Variants in MYBPHL observed in about 807,000 individuals in gnomAD.
The protein encoded by MYBPHL is myosin-binding protein H-like.
In MYBPHL, 32 loss-of-function variants were observed where a neutral mutation model predicts 39.5. That is an observed-to-expected ratio of 0.81 (90% CI 0.61 to 1.09). The LOEUF is 1.09. Ranked by LOEUF, MYBPHL falls within the 50% of genes least tolerant of loss-of-function variation. MYBPHL has a pLI of 0.00. For missense variants in MYBPHL, 456 were observed against 460.2 expected (o/e 0.99, Z 0.08); for synonymous variants, 196 against 183.7 (o/e 1.07, Z -0.54).
At chr1:109,306,764 G>A in intron 1 of MYBPHL, 83 bp downstream of exon 1, 3 of 1,263,794 alleles carry the variant, frequency 2.4e-6, no homozygotes, top group Non-Finnish European at 3.2e-6. Flanking sequence ...CAGAAAACCT[G>A]AGGCGCCGTT....
intron 1 of MYBPHL, among the ~76,000 whole-genome samples, chr1:109,299,261 C>T (rs1221950532): frequency 6.6e-6 from 1 of 152,224 alleles, no homozygotes; most frequent in Non-Finnish European, 1.5e-5. Context: ...ACCCAGGATT[C>T]TTGCCACAGT....
intron 8 of MYBPHL, among the ~76,000 whole-genome samples, chr1:109,293,922 G>T (rs561188440): frequency 8.8e-4 from 133 of 152,000 alleles, no homozygotes; most frequent in Non-Finnish European, 1.3e-3. Flanking sequence ...AAATTAGCCG[G>T]GCATGGTGGC....
At chr1:109,294,084 A>G in intron 8 of MYBPHL, 122 bp downstream of exon 8, 1 of 683,578 alleles carries the variant, frequency 1.5e-6, no homozygotes, top group Non-Finnish European at 2.6e-6. Flanking sequence ...TGGTTACAAC[A>G]AAAGTGGCCA....
Position 109,296,271 on chromosome 1 carries a change from T to TA in MYBPHL, c.829_830insT (p.Asn277IlefsTer30). The TA allele has an allele frequency of 1.2e-6, 2 of 1,613,902 alleles. No individual in the cohort carries two copies. The highest frequency in any genetic ancestry group is 1.7e-6 in the Non-Finnish European group (2 of 1,179,960). ...GCGGACACAGCAGAAGAGCTGGGTA[T>TA]TATAGCCGGTGACTGTAGTGCAGTC... On this transcript the variant is annotated frameshift_variant, in exon 6 of 9. Coordinates refer to ENST00000357155, the MANE Select transcript of MYBPHL (RefSeq NM_001010985.3). LOFTEE classifies it high-confidence loss of function.
chr1:109,294,749 C>A (rs1238436061), intron 7 of MYBPHL, among the ~76,000 whole-genome samples: 5 of 152,094 alleles, frequency 3.3e-5, no homozygotes, highest in Non-Finnish European at 5.9e-5. Flanking sequence ...GATTGCACAG[C>A]ATAAAGAAAA....
intron 3 of MYBPHL, 92 bp downstream of exon 3, chr1:109,297,330 C>T (rs1658113396): frequency 6.4e-7 from 1 of 1,554,910 alleles, no homozygotes. Flanking sequence ...GGGAGCCTTG[C>T]CGCAGCTTCC....
chr1:109,294,964 A>G lies in MYBPHL; in HGVS notation c.1054+147T>C, dbSNP rs1049249907. Reference sequence around the variant, plus strand: ...GTAGATAATTAAAATGTCTCCTCCAATACATCCTGATGATGACAGTGATGA... The same window carrying G: ...GTAGATAATTAAAATGTCTCCTCCAGTACATCCTGATGATGACAGTGATGA... On this transcript the variant is annotated intron_variant, in intron 7 of 8. Transcript: ENST00000357155. 28 of 623,032 alleles carry G rather than the reference A, an allele frequency of 4.5e-5. No individual in the cohort carries two copies. In the South Asian group the frequency reaches 5.2e-4, roughly 12 times the overall value. The allele number at this position is 623,032 out of a possible 1,614,324, so 38.6% of individuals were successfully genotyped here. A position where few individuals can be genotyped will look rare whatever the true frequency, so the allele number is the denominator to read the frequency against.
At position 109,297,975 on chromosome 1, in the gene MYBPHL, G is replaced by A. The variant is rs538964872; in HGVS notation, c.234+194C>T. On this transcript the variant is annotated intron_variant, in intron 2 of 8. Transcript: ENST00000357155. ...ATTAGCCTCACACCATCTCATGGGT[G>A]CACACCCAGTCCTATCCAAACCCAC... 3.9e-5 allele frequency among the ~76,000 whole-genome samples: 6 copies of A among 152,336 alleles called. 1 individual carries two copies. The South Asian group carries it at 1.2e-3, about 32-fold the overall frequency.
At position 109,296,880 on chromosome 1, in the gene MYBPHL, G is replaced by A. The variant is rs148659131; in HGVS notation, c.633C>T (p.Ile211=). The A allele has an allele frequency of 3.2e-5, 52 of 1,614,176 alleles. No individual in the cohort carries two copies. Among genetic ancestry groups the A allele is most frequent in the African/African-American group, 1.2e-4 (9 of 75,050 alleles). Residue 211 remains isoleucine, a synonymous_variant, in exon 5 of 9, where the codon ATC becomes ATT. Coordinates refer to ENST00000357155, the MANE Select transcript of MYBPHL (RefSeq NM_001010985.3). The part of the protein sequence containing the change: ...RTSCIVSDLI[I]GNSYAFRVFA... Reference sequence around the variant, plus strand: ...AGACACGGAAGGCATAGGAGTTGCCGATGATGAGGTCAGAGACGATGCAGC... The same window carrying A: ...AGACACGGAAGGCATAGGAGTTGCCAATGATGAGGTCAGAGACGATGCAGC...
rs185728351 is a variant in MYBPHL, at chr1:109,296,434, C to G, written c.731-64G>C. ...ATCCCAGCCCTCGTCGACTCTTTAT[C>G]CTTAGTATTTTTTTTTTTTTTTGAG... On this transcript the variant is annotated intron_variant, in intron 5 of 8. Coordinates refer to ENST00000357155, the MANE Select transcript of MYBPHL (RefSeq NM_001010985.3). 5.8e-6 allele frequency: 9 copies of G among 1,563,554 alleles called. No homozygotes were observed. The African/African-American group carries it at 1.1e-4, about 20-fold the overall frequency.
At chr1:109,304,630 C>T (rs1002422069) in intron 1 of MYBPHL, among the ~76,000 whole-genome samples, 3 of 152,174 alleles carry the variant, frequency 2.0e-5, no homozygotes, top group African/African-American at 7.2e-5. Context: ...CGTGGTACTG[C>T]CCAGCAGGAG....
intron 1 of MYBPHL, among the ~76,000 whole-genome samples, chr1:109,302,319 C>A (rs1343618034): frequency 6.6e-6 from 1 of 152,084 alleles, no homozygotes; most frequent in Non-Finnish European, 1.5e-5. Context: ...AGAAACATTA[C>A]CAGATGCCTA....
intron 1 of MYBPHL, among the ~76,000 whole-genome samples, chr1:109,303,190 C>T (rs1032563627): frequency 2.6e-5 from 4 of 152,230 alleles, no homozygotes; most frequent in African/African-American, 9.6e-5. Context: ...CTTTAGCTCA[C>T]TTCCTCCAGT....
At chr1:109,296,491 T>C (rs543400867) in intron 5 of MYBPHL, 121 bp from the exon 6 acceptor site, 1 of 1,282,056 alleles carries the variant, frequency 7.8e-7, no homozygotes, top group Admixed American at 2.3e-5. Context: ...CAGGCTGGAG[T>C]GCAGTGGCAC....
chr1:109,306,737 T>G (rs560204801), intron 1 of MYBPHL, 110 bp downstream of exon 1: 1 of 917,812 alleles, frequency 1.1e-6, no homozygotes, highest in East Asian at 3.1e-5. Context: ...ACCAATCCTA[T>G]AGAGTCTTTA....
chr1:109,306,602 G>A lies in MYBPHL; in HGVS notation c.145+245C>T, dbSNP rs183412839. 4.6e-5 allele frequency among the ~76,000 whole-genome samples: 7 copies of A among 152,258 alleles called. No homozygotes were observed. In the East Asian group the frequency reaches 1.3e-3, roughly 29 times the overall value. ...AGATCATTTTTAGTCACTGTAAAGT[G>A]CCACCAACACCATCACTGACTTCTC... On this transcript the variant is annotated intron_variant, in intron 1 of 8. Transcript: ENST00000357155.
rs748540136 is a variant in MYBPHL, at chr1:109,295,251, G to C, written c.914C>G (p.Pro305Arg). 1 of 1,614,088 alleles carries C rather than the reference G, an allele frequency of 6.2e-7. No homozygotes were observed. The highest frequency in any genetic ancestry group is 8.5e-7 in the Non-Finnish European group (1 of 1,179,980). ...CAGGTGAGTCAGGGCTCTGTACTTAGGGTTGCCTTGGATATCCATCTTGTT... is the reference window on the plus strand; with the variant it reads ...CAGGTGAGTCAGGGCTCTGTACTTACGGTTGCCTTGGATATCCATCTTGTT... Reference protein sequence around the residue: ...LKNKMDIQGNPKYRALTHLGI... With the variant: ...LKNKMDIQGNRKYRALTHLGI... Residue 305 changes from proline (P) to arginine (R), a missense_variant, in exon 7 of 9, where the codon CCT (proline) becomes CGT (arginine). Physicochemically the swap from Pro to Arg is moderately radical, Grantham distance 103 (BLOSUM62 -2). Transcript: ENST00000357155.
At position 109,296,682 on chromosome 1, in the gene MYBPHL, G is replaced by A. The variant is rs553178531; in HGVS notation, c.730+101C>T. ...TTGAACTCCTGACCTCAGGTGATCC[G>A]CCTGCCTTGGCCTCCCAAAGTGCTG... is the stretch of plus-strand genomic sequence containing the variant. On this transcript the variant is annotated intron_variant, in intron 5 of 8. Transcript: ENST00000357155. The A allele has an allele frequency of 1.3e-4, 180 of 1,387,858 alleles. 1 individual carries two copies. The African/African-American group carries it at 2.1e-3, about 16-fold the overall frequency. 86.0% of individuals were successfully genotyped at this position (1,387,858 alleles called of 1,614,324 possible).
chr1:109,297,068 C>G lies in MYBPHL; in HGVS notation c.552G>C (p.Lys184Asn). 1 of 1,614,172 alleles carries G rather than the reference C, an allele frequency of 6.2e-7. No homozygotes were observed. Among genetic ancestry groups the G allele is most frequent in the Non-Finnish European group, 8.5e-7 (1 of 1,180,038 alleles). ...GCCTCACCCCGGATTTTGTGTCAGC[C>G]TTCTGCACCGTGTATCCCAGAAGTG... ...NTALLGYTVQ[K>N]ADTKSGLWFT... Residue 184 changes from lysine to asparagine, a missense_variant, in exon 4 of 9, where the codon AAG becomes AAC. Physicochemically the swap from Lys to Asn is moderately conservative, Grantham distance 94. Transcript: ENST00000357155.
Sources: gnomAD v4.1 joint callset for allele counts (sites outside exome capture counted in the v4.1 genomes callset) on GRCh38, gnomAD v4.1.1 for gene constraint, MANE v1.5 for transcripts, NCBI Gene and HGNC (gene_info 2026-07-23, HGNC 2026-07-21) for gene names.